PCDHGA7: variants seen among roughly 807,000 people sequenced by gnomAD.
PCDHGA7 encodes protocadherin gamma subfamily A, 7.
Under a neutral mutation model 58.3 loss-of-function variants are expected in PCDHGA7, and 44 were observed. The ratio of observed to expected loss-of-function variants is 0.75; its 90% CI spans 0.59 to 0.97. PCDHGA7 has a LOEUF of 0.97. Ranked by LOEUF, PCDHGA7 falls within the 50% of genes least tolerant of loss-of-function variation. The probability of loss-of-function intolerance (pLI) is 0.00; values close to 1 mark genes in which losing one functional copy is unlikely to be tolerated. For missense variants in PCDHGA7, 1,266 were observed against 1,188.7 expected (o/e 1.06, Z -0.96); for synonymous variants, 516 against 504.2 (o/e 1.02, Z -0.31).
At chr5:141,496,289 G>A (rs1347634489) in intron 2 of PCDHGA7, among the ~76,000 whole-genome samples, 3 of 152,224 alleles carry the variant, frequency 2.0e-5, no homozygotes, top group Non-Finnish European at 4.4e-5. Flanking sequence ...GGTCTGAGCA[G>A]AGTGGGATAG....
At chr5:141,404,408 A>C (rs2154535328) in intron 1 of PCDHGA7, 1 of 1,613,900 alleles carries the variant, frequency 6.2e-7, no homozygotes, top group East Asian at 2.2e-5. Flanking sequence ...TGAGAATTCT[A>C]GAGTTATTTA....
At chr5:141,418,265 G>A (rs2096242953) in intron 1 of PCDHGA7, 1 of 1,614,062 alleles carries the variant, frequency 6.2e-7, no homozygotes, top group East Asian at 2.2e-5. Context: ...ATTCCGGAAA[G>A]ATGAAATAAA....
chr5:141,467,572 G>A (rs1351985954), intron 1 of PCDHGA7, among the ~76,000 whole-genome samples: 1 of 152,184 alleles, frequency 6.6e-6, no homozygotes, highest in African/African-American at 2.4e-5. Flanking sequence ...TGGCTATCCA[G>A]TTGTCCCAAT....
chr5:141,418,730 G>GT, intron 1 of PCDHGA7: 1 of 1,613,952 alleles, frequency 6.2e-7, no homozygotes, highest in Non-Finnish European at 8.5e-7. Context: ...AGCTCAGCAC[G>GT]TGTTCTCTCT....
In PCDHGA7 at chr5:141,485,578, G is replaced by A; in HGVS notation, c.2425-9229G>A. ...ATGATCACGCCCCCCGTTTTCCGCG[G>A]CAGCAGCTGGACTTGGAAATTGGGG... is the stretch of plus-strand genomic sequence containing the variant. On this transcript the variant is annotated intron_variant, in intron 1 of 3. Transcript: ENST00000518325. This position sits in a 1 kb window ranked among gnomAD's most constrained non-coding sequence, Gnocchi z 5.7. 6.2e-7 allele frequency: 1 copy of A among 1,612,362 alleles called. No homozygotes were observed. Among genetic ancestry groups the A allele is most frequent in the Non-Finnish European group, 8.5e-7 (1 of 1,178,688 alleles).
At chr5:141,403,209 C>T (rs1247618991) in intron 1 of PCDHGA7, 2 of 1,613,982 alleles carry the variant, frequency 1.2e-6, no homozygotes, top group Admixed American at 1.7e-5. Context: ...ACCTTGGTCA[C>T]CGCGGGTAGG....
chr5:141,422,211 CTT>C (rs1339862278), intron 1 of PCDHGA7: 1 of 1,563,166 alleles, frequency 6.4e-7, no homozygotes, highest in African/African-American at 1.4e-5. Context: ...GTGGAGGTCT[CTT>C]TACCACCACG....
intron 1 of PCDHGA7, among the ~76,000 whole-genome samples, chr5:141,400,820 G>A (rs1419111099): frequency 6.6e-6 from 1 of 152,082 alleles, no homozygotes; most frequent in African/African-American, 2.4e-5. Context: ...TTACCTATTC[G>A]TTGTCTCATT....
intron 1 of PCDHGA7, among the ~76,000 whole-genome samples, chr5:141,456,808 C>CA (rs1316636483): frequency 6.6e-5 from 10 of 151,878 alleles, no homozygotes; most frequent in Admixed American, 6.6e-4. Flanking sequence ...ACTAAAAATA[C>CA]AAAAAATTAG....
rs2099627530 is a variant in PCDHGA7, at chr5:141,486,292, T to C, written c.2425-8515T>C. On this transcript the variant is annotated intron_variant, in intron 1 of 3. Transcript: ENST00000518325. This position sits in a 1 kb window ranked among gnomAD's most constrained non-coding sequence, Gnocchi z 5.0. ...CTGGCACTGTGGTGGCACTTATCAGTGTGCAGGATCCAGACTCAGGGTCAA... is the reference window on the plus strand; with the variant it reads ...CTGGCACTGTGGTGGCACTTATCAGCGTGCAGGATCCAGACTCAGGGTCAA... 5 of 1,613,970 alleles carry C rather than the reference T, an allele frequency of 3.1e-6. No individual in the cohort carries two copies. The highest frequency in any genetic ancestry group is 4.2e-6 in the Non-Finnish European group (5 of 1,179,982).
chr5:141,431,685 A>C lies in PCDHGA7; in HGVS notation c.2424+46362A>C. The C allele has an allele frequency of 6.2e-7, 1 of 1,614,246 alleles. No homozygotes were observed. Among genetic ancestry groups the C allele is most frequent in the East Asian group, 2.2e-5 (1 of 44,876 alleles). ...ATATCAACAATAGGGGAGTTGGACCACGAGGAGTCAGGATTCTACCAGATG... is the reference window on the plus strand; with the variant it reads ...ATATCAACAATAGGGGAGTTGGACCCCGAGGAGTCAGGATTCTACCAGATG... On this transcript the variant is annotated intron_variant, in intron 1 of 3. Transcript: ENST00000518325. This position sits in a 1 kb window ranked among gnomAD's most constrained non-coding sequence, Gnocchi z 4.8.
chr5:141,389,456 C>T, intron 1 of PCDHGA7: 1 of 1,613,332 alleles, frequency 6.2e-7, no homozygotes, highest in South Asian at 1.1e-5. Context: ...AGCAGCTGCG[C>T]GCCTTCGAAC....
rs1273620361 is a variant in PCDHGA7, at chr5:141,486,809, A to G, written c.2425-7998A>G. 1 of 1,614,106 alleles carries G rather than the reference A, an allele frequency of 6.2e-7. No homozygotes were observed. The highest frequency in any genetic ancestry group is 1.3e-5 in the African/African-American group (1 of 74,936). On this transcript the variant is annotated intron_variant, in intron 1 of 3. Coordinates refer to ENST00000518325, the MANE Select transcript of PCDHGA7 (RefSeq NM_018920.4). This position sits in a 1 kb window ranked among gnomAD's most constrained non-coding sequence, Gnocchi z 5.0. ...CCGGGATCGGGGCAACCCACCCCTT[A>G]GCAGCACTGTAACAGTTCGTCTATT...
chr5:141,395,558 G>A (rs60237573), intron 1 of PCDHGA7: 1 of 127,936 alleles, frequency 7.8e-6, no homozygotes, highest in South Asian at 2.0e-4. Flanking sequence ...GTGTGTGTGT[G>A]TGTGTGTGTG....
chr5:141,476,897 A>G lies in PCDHGA7; in HGVS notation c.2425-17910A>G. ...CGTCCTGGAGGATGCACCCTCCGGC[A>G]CGCGCGTGGTACAAGTCCTTGCAAC... On this transcript the variant is annotated intron_variant, in intron 1 of 3. Coordinates refer to ENST00000518325, the MANE Select transcript of PCDHGA7 (RefSeq NM_018920.4). The surrounding 1 kb of genome is among the most constrained non-coding windows in gnomAD (Gnocchi z 7.6). 1 of 1,613,938 alleles carries G rather than the reference A, an allele frequency of 6.2e-7. No individual in the cohort carries two copies. Among genetic ancestry groups the G allele is most frequent in the Non-Finnish European group, 8.5e-7 (1 of 1,180,012 alleles).
intron 1 of PCDHGA7, chr5:141,414,233 T>C: frequency 1.2e-6 from 2 of 1,613,474 alleles, no homozygotes; most frequent in African/African-American, 2.7e-5. Context: ...GAGCTGACCA[T>C]CACGTCTCTA....
chr5:141,399,619 G>C (rs749025661), intron 1 of PCDHGA7: 1 of 1,613,902 alleles, frequency 6.2e-7, no homozygotes, highest in Non-Finnish European at 8.5e-7. Context: ...TCTGGCACTG[G>C]CCTCTTACGT....
intron 1 of PCDHGA7, chr5:141,388,238 C>T (rs546808390): frequency 4.8e-5 from 77 of 1,607,582 alleles, no homozygotes; most frequent in Non-Finnish European, 6.4e-5. Flanking sequence ...ACTTTTATCA[C>T]GTGAATGTGG....
rs980196319 is a variant in PCDHGA7 at position 141,511,604 on chromosome 5, A to C, written c.*431A>C. 3 of 248,420 alleles carry C rather than the reference A, an allele frequency of 1.2e-5. No individual in the cohort carries two copies. Among genetic ancestry groups the C allele is most frequent in the African/African-American group, 6.6e-5 (3 of 45,596 alleles). The allele number at this position is 248,420 out of a possible 1,614,324, so 15.4% of individuals were successfully genotyped here. Reference sequence around the variant, plus strand: ...GGTGTTGAAGTACCAAGTAACCTACAAGCCTCCTAGTTCTGAAAAGTTGGA... The same window carrying C: ...GGTGTTGAAGTACCAAGTAACCTACCAGCCTCCTAGTTCTGAAAAGTTGGA... On this transcript the variant is annotated 3_prime_UTR_variant, in exon 4 of 4. Coordinates refer to ENST00000518325, the MANE Select transcript of PCDHGA7 (RefSeq NM_018920.4).
Sources: gnomAD v4.1 joint callset for allele counts (sites outside exome capture counted in the v4.1 genomes callset) on GRCh38, gnomAD v4.1.1 for gene constraint, Gnocchi (gnomAD v3.1) non-coding constraint, MANE v1.5 for transcripts, NCBI Gene and HGNC (gene_info 2026-07-23, HGNC 2026-07-21) for gene names.